The following TRPM3 variants were observed in gnomAD, a reference collection of about 807,000 sequenced individuals.
TRPM3 encodes long transient receptor potential channel 3.
In TRPM3, 77 loss-of-function variants were observed where a neutral mutation model predicts 181.2. That is an observed-to-expected ratio of 0.42 (90% confidence interval 0.35 to 0.51). The LOEUF (loss-of-function observed/expected upper bound fraction) is 0.51, where lower values mean the gene tolerates loss of function less well. TRPM3 is among the 20% of genes least tolerant of loss of function. The pLI is 0.01. For synonymous variants in TRPM3, 745 were observed against 796.4 expected (o/e 0.94, Z 1.09); for missense variants, 1,759 against 2,196.7 (o/e 0.80, Z 3.98).
intron 25 of TRPM3, among the ~76,000 whole-genome samples, chr9:70,541,722 G>T (rs62543233): frequency 0.24 from 36,489 of 152,046 alleles, 4,958 homozygotes; most frequent in Admixed American, 0.32. Context: ...TGTTGGTCAG[G>T]CTTGTCTTGA....
At chr9:70,830,027 T>G (rs1445045970) in intron 5 of TRPM3, among the ~76,000 whole-genome samples, 1 of 152,204 alleles carries the variant, frequency 6.6e-6, no homozygotes, top group Admixed American at 6.5e-5. Context: ...TTAGTTACTG[T>G]TCTCTCTTTT....
At chr9:70,974,950 C>T (rs2097288720) in intron 1 of TRPM3, among the ~76,000 whole-genome samples, 1 of 145,182 alleles carries the variant, frequency 6.9e-6, no homozygotes, top group African/African-American at 2.5e-5. Context: ...TCACTGCAAC[C>T]TCCAACTCCT....
chr9:70,672,228 T>C (rs1488636830), intron 9 of TRPM3, among the ~76,000 whole-genome samples: 2 of 152,134 alleles, frequency 1.3e-5, no homozygotes, highest in African/African-American at 4.8e-5. Flanking sequence ...CCTGCCACAG[T>C]GATGAATTCA....
chr9:71,319,323 A>G (rs1034456468), intron 1 of TRPM3, among the ~76,000 whole-genome samples: 1 of 152,138 alleles, frequency 6.6e-6, no homozygotes, highest in Non-Finnish European at 1.5e-5. Context: ...AGGCCTAGGA[A>G]AGCCAGGGTT....
At chr9:70,791,343 T>A (rs960836338) in intron 6 of TRPM3, among the ~76,000 whole-genome samples, 1 of 152,210 alleles carries the variant, frequency 6.6e-6, no homozygotes, top group East Asian at 1.9e-4. Context: ...ACAAAATGTT[T>A]CACTTCTAAA....
intron 1 of TRPM3, among the ~76,000 whole-genome samples, chr9:70,905,675 C>T (rs939950554): frequency 1.3e-5 from 2 of 152,052 alleles, no homozygotes; most frequent in Non-Finnish European, 2.9e-5. Context: ...AATAACAATG[C>T]TCCAGTGACC....
chr9:71,070,508 A>T (rs1224661046), intron 1 of TRPM3, among the ~76,000 whole-genome samples: 1 of 152,128 alleles, frequency 6.6e-6, no homozygotes, highest in Non-Finnish European at 1.5e-5. Flanking sequence ...TATCAGATGT[A>T]TTTTCCTTTT....
intron 1 of TRPM3, among the ~76,000 whole-genome samples, chr9:71,282,067 GAAAGGAAAGAAAGGAAAGAAAGAGAGAAA>G (rs2132199842): frequency 1.3e-5 from 1 of 76,260 alleles, no homozygotes; most frequent in Admixed American, 1.2e-4. Flanking sequence ...AAGAGAGAAA[GAAAGGAAAGAAAGGAAAGAAAGAGAGAAA>G]GAAAGAAAAG....
chr9:70,783,210 C>T (rs2082843133), intron 7 of TRPM3, among the ~76,000 whole-genome samples: 1 of 152,146 alleles, frequency 6.6e-6, no homozygotes, highest in African/African-American at 2.4e-5. Flanking sequence ...ACCCAGGAAA[C>T]ACTTAATGTA....
chr9:71,236,867 C>T (rs926034223), intron 1 of TRPM3, among the ~76,000 whole-genome samples: 9 of 151,818 alleles, frequency 5.9e-5, no homozygotes, highest in African/African-American at 1.7e-4. Flanking sequence ...GCCAACATGG[C>T]GAAACACTGT....
intron 1 of TRPM3, among the ~76,000 whole-genome samples, chr9:71,182,215 A>G (rs1212189087): frequency 1.3e-5 from 2 of 152,140 alleles, no homozygotes; most frequent in Non-Finnish European, 2.9e-5. Context: ...TCTTAAATTG[A>G]AGTCATAGCA....
chr9:71,028,587 C>T (rs1355382510), intron 1 of TRPM3, among the ~76,000 whole-genome samples: 1 of 147,954 alleles, frequency 6.8e-6, no homozygotes, highest in African/African-American at 2.5e-5. Flanking sequence ...TGCAATGACA[C>T]ACATAGGCTC....
intron 1 of TRPM3, among the ~76,000 whole-genome samples, chr9:71,017,034 T>A (rs1443551208): frequency 6.6e-6 from 1 of 152,174 alleles, no homozygotes; most frequent in African/African-American, 2.4e-5. Context: ...TTTAACCACT[T>A]GAGCATTGTG....
intron 22 of TRPM3, among the ~76,000 whole-genome samples, chr9:70,580,782 G>A (rs1317102): frequency 4.6e-5 from 7 of 151,734 alleles, no homozygotes; most frequent in African/African-American, 1.7e-4. Flanking sequence ...CATCTGGCCC[G>A]CCCTCCCTTT....
chr9:70,942,210 T>C (rs1268647951), intron 1 of TRPM3, among the ~76,000 whole-genome samples: 1 of 152,176 alleles, frequency 6.6e-6, no homozygotes, highest in Non-Finnish European at 1.5e-5. Context: ...TCCAGGACCA[T>C]TTCCTCTTAT....
chr9:71,135,351 T>A (rs112225345), intron 1 of TRPM3, among the ~76,000 whole-genome samples: 159 of 152,274 alleles, frequency 1.0e-3, no homozygotes, highest in African/African-American at 3.7e-3. Context: ...TATAACAGAA[T>A]GGGAATAGTA....
chr9:71,177,011 G>T (rs1421085888), intron 1 of TRPM3, among the ~76,000 whole-genome samples: 1 of 152,054 alleles, frequency 6.6e-6, no homozygotes, highest in Admixed American at 6.6e-5. Flanking sequence ...AGCTTCATCT[G>T]TATTTACAGC....
At chr9:70,642,168 G>A (rs541530499) in intron 9 of TRPM3, among the ~76,000 whole-genome samples, 2 of 152,224 alleles carry the variant, frequency 1.3e-5, no homozygotes, top group East Asian at 1.9e-4. Context: ...AAAGTATTAG[G>A]CACTTCCATA....
chr9:71,238,017 C>T (rs558672610), intron 1 of TRPM3, among the ~76,000 whole-genome samples: 187 of 152,296 alleles, frequency 1.2e-3, no homozygotes, highest in African/African-American at 1.8e-3. Flanking sequence ...ATTCTAACTA[C>T]GGCAGAGGGT....
Sources: allele counts gnomAD v4.1 joint callset (sites outside exome capture counted in the v4.1 genomes callset), GRCh38; gene constraint gnomAD v4.1.1; transcripts MANE v1.5; gene names NCBI Gene and HGNC (gene_info 2026-07-23, HGNC 2026-07-21).